The following SQOR variants were observed in gnomAD, a reference collection of about 807,000 sequenced individuals.
The protein encoded by SQOR is sulfide quinone oxidoreductase.
SQOR carries 39 observed loss-of-function variants against 48.6 expected under a neutral mutation model. The ratio of observed to expected loss-of-function variants is 0.80; its 90% CI spans 0.62 to 1.05. The LOEUF (loss-of-function observed/expected upper bound fraction) is 1.05. SQOR is among the 50% of genes least tolerant of loss of function. The pLI is 0.00. For synonymous variants in SQOR, 220 were observed against 206.2 expected (o/e 1.07, Z -0.57); for missense variants, 561 against 559.9 (o/e 1.00, Z -0.02).
At chr15:45,669,335 T>G (rs532855261) in intron 3 of SQOR, among the ~76,000 whole-genome samples, 7 of 152,086 alleles carry the variant, frequency 4.6e-5, no homozygotes, top group African/African-American at 1.7e-4. Context: ...AGGTAATTTT[T>G]GTATTTTTTG....
chr15:45,649,640 C>G (rs1327512194), intron 1 of SQOR, among the ~76,000 whole-genome samples: 1 of 151,076 alleles, frequency 6.6e-6, no homozygotes, highest in Non-Finnish European at 1.5e-5. Flanking sequence ...CCTCCATGCC[C>G]AGCTAATTTT....
chr15:45,649,623 G>C (rs976870385), intron 1 of SQOR, among the ~76,000 whole-genome samples: 4 of 151,968 alleles, frequency 2.6e-5, no homozygotes, highest in African/African-American at 9.7e-5. Context: ...GGGATTACAG[G>C]CACCTGCCTC....
At chr15:45,683,482 A>G (rs1890161151) in intron 7 of SQOR, among the ~76,000 whole-genome samples, 1 of 152,254 alleles carries the variant, frequency 6.6e-6, no homozygotes, top group African/African-American at 2.4e-5. Context: ...CTGCACCAGC[A>G]GTGATGGGGA....
At chr15:45,657,170 A>G (rs1889626895) in intron 1 of SQOR, among the ~76,000 whole-genome samples, 2 of 152,056 alleles carry the variant, frequency 1.3e-5, no homozygotes, top group Admixed American at 6.6e-5. Context: ...TCCATATTTT[A>G]GTTAACCTTT....
chr15:45,656,222 C>T (rs1889608467), intron 1 of SQOR, among the ~76,000 whole-genome samples: 1 of 152,060 alleles, frequency 6.6e-6, no homozygotes, highest in Non-Finnish European at 1.5e-5. Context: ...ATGGTGGTAG[C>T]CAACTCACAA....
intron 3 of SQOR, among the ~76,000 whole-genome samples, chr15:45,667,941 C>CTT (rs1204451548): frequency 0.018 from 1,883 of 103,252 alleles, 87 homozygotes; most frequent in African/African-American, 0.051. Context: ...TTCTTTCTTT[C>CTT]TTTTTTTTTT....
chr15:45,687,492 C>A (rs185920914), intron 7 of SQOR, among the ~76,000 whole-genome samples: 1 of 151,998 alleles, frequency 6.6e-6, no homozygotes, highest in Non-Finnish European at 1.5e-5. Context: ...TTTGGGGGTG[C>A]GAAAATACTG....
chr15:45,639,832 C>T (rs1413227004), intron 1 of SQOR, among the ~76,000 whole-genome samples: 1 of 152,090 alleles, frequency 6.6e-6, no homozygotes, highest in African/African-American at 2.4e-5. Context: ...AATCATGAGC[C>T]TTTCAAGGTC....
chr15:45,645,450 G>C (rs1281579212), intron 1 of SQOR, among the ~76,000 whole-genome samples: 1 of 152,186 alleles, frequency 6.6e-6, no homozygotes, highest in African/African-American at 2.4e-5. Context: ...TTCTGGATGA[G>C]AGTAACATTT....
chr15:45,637,934 T>C (rs1331765172), intron 1 of SQOR, among the ~76,000 whole-genome samples: 1 of 152,206 alleles, frequency 6.6e-6, no homozygotes, highest in African/African-American at 2.4e-5. Flanking sequence ...ACTTGGTAAA[T>C]AGGAGCAGTT....
At chr15:45,645,454 A>C (rs1895187471) in intron 1 of SQOR, among the ~76,000 whole-genome samples, 1 of 152,182 alleles carries the variant, frequency 6.6e-6, no homozygotes, top group African/African-American at 2.4e-5. Flanking sequence ...GGATGAGAGT[A>C]ACATTTGAAT....
intron 1 of SQOR, among the ~76,000 whole-genome samples, chr15:45,644,363 G>A (rs1405706199): frequency 2.6e-5 from 4 of 152,196 alleles, no homozygotes; most frequent in Admixed American, 2.6e-4. Context: ...TGGGATTACA[G>A]GCATGAGCCA....
chr15:45,673,749 G>C lies in SQOR; in HGVS notation c.602G>C (p.Cys201Ser). 1.2e-6 allele frequency: 2 copies of C among 1,614,178 alleles called. No homozygotes were observed. Residue 201 changes from cysteine (C) to serine (S), a missense_variant, in exon 5 of 10, where the codon TGT becomes TCT. Transcript: ENST00000260324. The part of the protein sequence containing the change: ...IFTFPNTPVK[C>S]AGAPQKIMYL... Reference sequence around the variant, plus strand: ...ACCTTCCCAAATACTCCAGTGAAGTGTGCTGGAGCCCCTCAGAAGATCATG... The same window carrying C: ...ACCTTCCCAAATACTCCAGTGAAGTCTGCTGGAGCCCCTCAGAAGATCATG...
intron 3 of SQOR, among the ~76,000 whole-genome samples, chr15:45,669,622 C>G (rs1338790634): frequency 6.6e-6 from 1 of 152,176 alleles, no homozygotes; most frequent in African/African-American, 2.4e-5. Flanking sequence ...GGCTAGGCAG[C>G]TTACAAAATA....
rs769395245 is a variant in SQOR at position 45,659,057 on chromosome 15, A to AGGTGCT, written c.143_148dup (p.Val48_Leu49dup). ...AGCCATGCGGCCAGGAACCATTATG[A>AGGTGCT]GGTGCTGGTGCTGGGTGGGGGCAGT... is the stretch of plus-strand genomic sequence containing the variant. On this transcript the variant is annotated inframe_insertion, in exon 2 of 10. Transcript: ENST00000260324. 3.8e-6 allele frequency: 6 copies of AGGTGCT among 1,598,122 alleles called. No homozygotes were observed. The highest frequency in any genetic ancestry group is 2.6e-6 in the Non-Finnish European group (3 of 1,172,956).
upstream of SQOR, among the ~76,000 whole-genome samples, chr15:45,633,693 CAAAAAAAAAAAA>C (rs397854330): frequency 6.4e-5 from 5 of 77,550 alleles, no homozygotes; most frequent in Non-Finnish European, 1.3e-4. Flanking sequence ...GACTTCGCCT[CAAAAAAAAAAAA>C]AAAAAAAAGA....
Position 45,664,195 on chromosome 15 carries a change from A to G in SQOR, c.405+2070A>G, listed in dbSNP as rs77968742. Among the ~76,000 whole-genome samples the G allele has an allele frequency of 9.2e-3, 1,408 of 152,318 alleles. 24 individuals carry two copies. Among genetic ancestry groups the G allele is most frequent in the African/African-American group, 0.032 (1,345 of 41,552 alleles). ...TCATCTTTTTAGACACGTGGGTTAT[A>G]TGAAAGTTCTGTCTTCACTGAGCCA... On this transcript the variant is annotated intron_variant, in intron 3 of 9. Coordinates refer to ENST00000260324, the MANE Select transcript of SQOR (RefSeq NM_021199.4).
chr15:45,687,593 G>GA (rs66507730), intron 7 of SQOR, among the ~76,000 whole-genome samples: 30,314 of 152,016 alleles, frequency 0.2, 3,138 homozygotes, highest in Middle Eastern at 0.36. Context: ...AATACAGCGG[G>GA]AAAAAAATAG....
At chr15:45,660,107 T>G (rs1889692931) in intron 2 of SQOR, among the ~76,000 whole-genome samples, 1 of 152,224 alleles carries the variant, frequency 6.6e-6, no homozygotes, top group South Asian at 2.1e-4. Context: ...GTCCAAAAGC[T>G]TCAGAAAAAT....
Sources: gnomAD v4.1 joint callset for allele counts (sites outside exome capture counted in the v4.1 genomes callset) on GRCh38, gnomAD v4.1.1 for gene constraint, MANE v1.5 for transcripts, NCBI Gene and HGNC (gene_info 2026-07-23, HGNC 2026-07-21) for gene names.